The following WIPF1 variants were observed in gnomAD, a reference collection of about 807,000 sequenced individuals.
The protein encoded by WIPF1 is WAS/WASL-interacting protein family member 1.
Under a neutral mutation model 35.4 loss-of-function variants are expected in WIPF1, and 13 were observed. That is an observed-to-expected ratio of 0.37 (90% CI 0.24 to 0.58). The LOEUF (loss-of-function observed/expected upper bound fraction) is 0.58, where lower values mean the gene tolerates loss of function less well. Ranked by LOEUF, WIPF1 falls within the 20% of genes least tolerant of loss-of-function variation. The pLI, the probability that WIPF1 is intolerant of heterozygous loss-of-function variation, is 0.74. For missense variants in WIPF1, 591 were observed against 667.0 expected (o/e 0.89, Z 1.25); for synonymous variants, 267 against 266.3 (o/e 1.00, Z -0.02).
rs1346094349 is a variant in WIPF1 at position 174,622,211 on chromosome 2, C to CTGT, written c.-38-36603_-38-36601dup. ...TGGTCTCCTGATAAATTTCCTAAGG[C>CTGT]TGTTGTTCCTAAACTTCAAATATTT... On this transcript the variant is annotated intron_variant, in intron 1 of 8. Transcript: ENST00000272746. This position sits in a 1 kb window ranked among gnomAD's most constrained non-coding sequence, Gnocchi z 5.1. Among the ~76,000 whole-genome samples, 13 of 152,170 alleles carry CTGT rather than the reference C, an allele frequency of 8.5e-5. No individual in the cohort carries two copies. Among genetic ancestry groups the CTGT allele is most frequent in the Non-Finnish European group, 1.8e-4 (12 of 68,032 alleles).
intron 1 of WIPF1, among the ~76,000 whole-genome samples, chr2:174,618,263 T>C (rs1574839192): frequency 6.6e-6 from 1 of 152,234 alleles, no homozygotes; most frequent in Non-Finnish European, 1.5e-5. Context: ...TGAGCTGGTC[T>C]GTCCTGAAAA....
At position 174,572,323 on chromosome 2, in the gene WIPF1, G is replaced by A. The variant is rs1684896684; in HGVS notation, c.482C>T (p.Pro161Leu). ...PVPSPGHRSGPPEPQRNRMPP... is the reference protein window; with the variant it reads ...PVPSPGHRSGLPEPQRNRMPP... Reference sequence around the variant, plus strand: ...CATTCGGTTCCTCTGAGGCTCTGGGGGACCACTTCTGTGGCCTGGAGAAGG... The same window carrying A: ...CATTCGGTTCCTCTGAGGCTCTGGGAGACCACTTCTGTGGCCTGGAGAAGG... Residue 161 changes from proline (P) to leucine (L), a missense_variant, in exon 5 of 8, where the codon CCC becomes CTC. By Grantham distance (98) the Pro-to-Leu change is moderately conservative. Coordinates refer to ENST00000679041, the MANE Select transcript of WIPF1 (RefSeq NM_001375834.1). The A allele has an allele frequency of 2.5e-6, 4 of 1,614,110 alleles. No homozygotes were observed. The East Asian group carries it at 6.7e-5, about 27-fold the overall frequency.
Position 174,571,931 on chromosome 2 carries a change from G to C in WIPF1, c.874C>G (p.Pro292Ala). ...VPPPPPQNNK[P>A]PVPSTPRPSA... ...GGCCGCGGAGTGGAAGGCACTGGAG[G>C]CTTGTTGTTCTGAGGAGGAGGAGGG... The change falls in exon 5 of 8, where the codon CCT becomes GCT. Residue 292 changes from proline to alanine, a missense_variant. Transcript: ENST00000679041. This position sits in a 1 kb window ranked among gnomAD's most constrained non-coding sequence, Gnocchi z 4.6. The C allele has an allele frequency of 6.2e-7, 1 of 1,600,868 alleles. No homozygotes were observed. Among genetic ancestry groups the C allele is most frequent in the Non-Finnish European group, 8.5e-7 (1 of 1,173,762 alleles).
intron 1 of WIPF1, among the ~76,000 whole-genome samples, chr2:174,620,264 C>A (rs1243291996): frequency 6.6e-6 from 1 of 152,120 alleles, no homozygotes; most frequent in Admixed American, 6.5e-5. Flanking sequence ...AGTTAAATGA[C>A]CTGGGTAATA....
At chr2:174,574,008 G>A (rs1010665671) in intron 4 of WIPF1, among the ~76,000 whole-genome samples, 4 of 150,110 alleles carry the variant, frequency 2.7e-5, no homozygotes, top group Admixed American at 6.7e-5. Context: ...TCCCACCTCC[G>A]CCTCCTGGGT....
chr2:174,586,834 C>T (rs1214520386), intron 1 of WIPF1, among the ~76,000 whole-genome samples: 1 of 152,078 alleles, frequency 6.6e-6, no homozygotes, highest in Non-Finnish European at 1.5e-5. Context: ...CAGCTGAATT[C>T]GTTTCAGCAT....
chr2:174,650,594 T>A (rs1428783541), intron 1 of WIPF1, among the ~76,000 whole-genome samples: 1 of 152,230 alleles, frequency 6.6e-6, no homozygotes, highest in Non-Finnish European at 1.5e-5. Flanking sequence ...TTCTTCTCCA[T>A]GATGATTGAC....
At chr2:174,661,722 T>C (rs1256738076) in intron 1 of WIPF1, among the ~76,000 whole-genome samples, 1 of 152,186 alleles carries the variant, frequency 6.6e-6, no homozygotes, top group African/African-American at 2.4e-5. Context: ...GGACCTTGCC[T>C]TAAGCACACC....
chr2:174,572,953 C>A (rs1684922803), intron 4 of WIPF1, among the ~76,000 whole-genome samples: 1 of 151,492 alleles, frequency 6.6e-6, no homozygotes, highest in Non-Finnish European at 1.5e-5. Flanking sequence ...AGAAATGCCC[C>A]AAAAAAAGTG....
chr2:174,629,457 A>G lies in WIPF1; in HGVS notation c.-38-43846T>C, dbSNP rs1350365257. 2.0e-5 allele frequency among the ~76,000 whole-genome samples: 3 copies of G among 152,234 alleles called. No homozygotes were observed. The East Asian group carries it at 5.8e-4, about 29-fold the overall frequency. On this transcript the variant is annotated intron_variant, in intron 1 of 8. Coordinates refer to the WIPF1 transcript ENST00000272746. Reference sequence around the variant, plus strand: ...GGCCAGGGAAGGAAGCATGCTGTCCATGTAGGTAAATTCTGCCCTGAGCTT... The same window carrying G: ...GGCCAGGGAAGGAAGCATGCTGTCCGTGTAGGTAAATTCTGCCCTGAGCTT...
chr2:174,637,824 A>G lies in WIPF1; in HGVS notation c.-39+44950T>C, dbSNP rs540465303. On this transcript the variant is annotated intron_variant, in intron 1 of 8. Coordinates refer to the WIPF1 transcript ENST00000272746. ...AACAAAAAAAACCCACCATAATACC[A>G]AGTGAGTGAAATTCTGCACTGGCTT... 4.6e-5 allele frequency among the ~76,000 whole-genome samples: 7 copies of G among 152,280 alleles called. No homozygotes were observed. In the South Asian group the frequency reaches 1.5e-3, roughly 32 times the overall value.
upstream of WIPF1, among the ~76,000 whole-genome samples, chr2:174,600,694 ATTT>A (rs1463823693): frequency 1.3e-5 from 2 of 151,938 alleles, no homozygotes; most frequent in Non-Finnish European, 2.9e-5. Flanking sequence ...ACACTGTCTT[ATTT>A]ATCTGTTTAT....
intron 1 of WIPF1, among the ~76,000 whole-genome samples, chr2:174,629,155 G>A (rs988204283): frequency 1.4e-4 from 21 of 152,260 alleles, no homozygotes; most frequent in African/African-American, 4.8e-4. Context: ...CGAGACTGCA[G>A]TGTGCCATGA....
At chr2:174,602,884 T>A (rs981278270) in intron 1 of WIPF1, among the ~76,000 whole-genome samples, 1 of 152,200 alleles carries the variant, frequency 6.6e-6, no homozygotes, top group Non-Finnish European at 1.5e-5. Flanking sequence ...TGGAGAATCA[T>A]CCCGTGCTCA....
chr2:174,625,873 A>C (rs1033906648), intron 1 of WIPF1: 1 of 152,204 alleles, frequency 6.6e-6, no homozygotes, highest in African/African-American at 2.4e-5. Flanking sequence ...GAATGAAGAT[A>C]ATTTGAAGTT....
intron 1 of WIPF1, among the ~76,000 whole-genome samples, chr2:174,654,701 T>A (rs2105966448): frequency 6.6e-6 from 1 of 152,226 alleles, no homozygotes; most frequent in South Asian, 2.1e-4. Flanking sequence ...CTAGTTTGGT[T>A]TTTTTCCCTT....
chr2:174,635,354 C>T (rs910277904), intron 1 of WIPF1, among the ~76,000 whole-genome samples: 2 of 151,994 alleles, frequency 1.3e-5, no homozygotes, highest in Non-Finnish European at 2.9e-5. Context: ...CGTGTGAGTC[C>T]TGGCCATGGG....
intron 1 of WIPF1, among the ~76,000 whole-genome samples, chr2:174,670,046 C>T (rs562614208): frequency 8.5e-5 from 13 of 152,136 alleles, no homozygotes; most frequent in African/African-American, 3.1e-4. Context: ...TGAGATGGGC[C>T]TCCTCTAATC....
intron 1 of WIPF1, among the ~76,000 whole-genome samples, chr2:174,670,549 G>C (rs1687992566): frequency 1.3e-5 from 2 of 152,206 alleles, no homozygotes; most frequent in African/African-American, 4.8e-5. Flanking sequence ...TGACCAGTGT[G>C]TTGGTCCAGA....
Sources: gnomAD v4.1 joint callset for allele counts (sites outside exome capture counted in the v4.1 genomes callset) on GRCh38, gnomAD v4.1.1 for gene constraint, Gnocchi (gnomAD v3.1) non-coding constraint, MANE v1.5 for transcripts, NCBI Gene and HGNC (gene_info 2026-07-23, HGNC 2026-07-21) for gene names.